Variants in GABRB2 observed in about 807,000 individuals in gnomAD.
GABRB2 encodes gamma-aminobutyric acid receptor subunit beta-2.
A neutral mutation model predicts 54.7 loss-of-function variants in GABRB2; 16 were observed. That is an observed-to-expected ratio of 0.29 (90% CI 0.20 to 0.44). The LOEUF (loss-of-function observed/expected upper bound fraction) is 0.44. GABRB2 is among the 20% of genes least tolerant of loss of function. The pLI is 1.00. For synonymous variants in GABRB2, 244 were observed against 233.8 expected, an observed-to-expected ratio of 1.04 and a Z score of -0.40; for missense variants, 355 against 644.0, an observed-to-expected ratio of 0.55 and a Z score of 4.86.
chr5:161,493,090 A>T (rs908037063), intron 3 of GABRB2, among the ~76,000 whole-genome samples: 1 of 151,804 alleles, frequency 6.6e-6, no homozygotes, highest in Non-Finnish European at 1.5e-5. Context: ...TGATATATGA[A>T]TTTTTAATTT....
chr5:161,320,806 T>C (rs1439828495), intron 9 of GABRB2, among the ~76,000 whole-genome samples: 1 of 152,018 alleles, frequency 6.6e-6, no homozygotes, highest in Non-Finnish European at 1.5e-5. Context: ...ACAGAGAAGC[T>C]TGGCCTTAAT....
chr5:161,434,946 C>A (rs1177839238), intron 4 of GABRB2, among the ~76,000 whole-genome samples: 1 of 152,160 alleles, frequency 6.6e-6, no homozygotes, highest in Non-Finnish European at 1.5e-5. Context: ...GTTTGATGAA[C>A]AAGCATGTCC....
At position 161,463,219 on chromosome 5, in the gene GABRB2, TAATC is replaced by T. The variant is rs536873214; in HGVS notation, c.238-3379_238-3376del. ...ATGCAAAGTAGAAAGACTGAGGAAA[TAATC>T]AAAGTGTGAGAAATACTACTATAAG... On this transcript the variant is annotated intron_variant, in intron 3 of 9. Coordinates refer to ENST00000393959, the MANE Select transcript of GABRB2 (RefSeq NM_001371727.1). Among the ~76,000 whole-genome samples, 598 of 151,562 alleles carry T rather than the reference TAATC, an allele frequency of 3.9e-3. 7 individuals carry two copies. Among genetic ancestry groups the T allele is most frequent in the African/African-American group, 0.014 (566 of 41,312 alleles).
At chr5:161,309,175 C>T (rs907445029) in intron 9 of GABRB2, among the ~76,000 whole-genome samples, 3 of 152,118 alleles carry the variant, frequency 2.0e-5, no homozygotes, top group African/African-American at 7.2e-5. Flanking sequence ...AAATAAACAA[C>T]TCTATCAAAA....
intron 4 of GABRB2, among the ~76,000 whole-genome samples, chr5:161,453,254 G>A (rs1757845681): frequency 6.6e-6 from 1 of 152,142 alleles, no homozygotes; most frequent in Non-Finnish European, 1.5e-5. Context: ...AAAGAGTTTG[G>A]TAAATTACAG....
At chr5:161,415,908 C>T (rs1465868847) in intron 4 of GABRB2, among the ~76,000 whole-genome samples, 1 of 129,736 alleles carries the variant, frequency 7.7e-6, no homozygotes, top group Non-Finnish European at 1.7e-5. Context: ...CCACCGCACC[C>T]GGCCCCAAGT....
intron 3 of GABRB2, among the ~76,000 whole-genome samples, chr5:161,462,720 C>G (rs1293898310): frequency 6.6e-6 from 1 of 152,130 alleles, no homozygotes; most frequent in Non-Finnish European, 1.5e-5. Flanking sequence ...AAAAAATGCT[C>G]CCAGACAGGC....
chr5:161,345,204 A>G (rs1258237830), intron 5 of GABRB2, among the ~76,000 whole-genome samples: 1 of 152,128 alleles, frequency 6.6e-6, no homozygotes, highest in Non-Finnish European at 1.5e-5. Flanking sequence ...TAGAAAAAGA[A>G]AAAAATTTAA....
At chr5:161,514,118 C>G (rs1759862670) in intron 3 of GABRB2, among the ~76,000 whole-genome samples, 1 of 152,150 alleles carries the variant, frequency 6.6e-6, no homozygotes, top group Non-Finnish European at 1.5e-5. Flanking sequence ...GATCGCAGCT[C>G]CAGGGAGCAC....
intron 9 of GABRB2, among the ~76,000 whole-genome samples, chr5:161,298,953 C>T (rs1319755003): frequency 6.6e-6 from 1 of 152,096 alleles, no homozygotes; most frequent in Non-Finnish European, 1.5e-5. Context: ...GGAGAACTGG[C>T]TATTTTTATG....
intron 5 of GABRB2, among the ~76,000 whole-genome samples, chr5:161,382,622 C>T (rs1755502429): frequency 1.3e-5 from 2 of 152,166 alleles, no homozygotes; most frequent in African/African-American, 4.8e-5. Context: ...GGCCTTCCTC[C>T]TTCCCAACCA....
At chr5:161,387,007 A>T (rs1308555943) in intron 5 of GABRB2, among the ~76,000 whole-genome samples, 2 of 152,024 alleles carry the variant, frequency 1.3e-5, no homozygotes, top group South Asian at 2.1e-4. Flanking sequence ...CACATAATCT[A>T]TTAACACTGG....
intron 3 of GABRB2, among the ~76,000 whole-genome samples, chr5:161,491,810 A>T (rs1275283408): frequency 6.6e-6 from 1 of 151,718 alleles, no homozygotes; most frequent in African/African-American, 2.4e-5. Flanking sequence ...TTGCAAACAC[A>T]CTGCATTCTG....
intron 5 of GABRB2, among the ~76,000 whole-genome samples, chr5:161,387,978 AC>A (rs951653983): frequency 3.5e-4 from 53 of 152,252 alleles, no homozygotes; most frequent in African/African-American, 1.3e-3. Flanking sequence ...GTTTTGAAAG[AC>A]AAAGTAAAAA....
chr5:161,426,491 G>GA (rs929395821), intron 4 of GABRB2, among the ~76,000 whole-genome samples: 24 of 151,318 alleles, frequency 1.6e-4, no homozygotes, highest in African/African-American at 2.2e-4. Context: ...GACAAATCAG[G>GA]AAAAAAAATG....
chr5:161,308,191 C>T (rs763032966), intron 9 of GABRB2, among the ~76,000 whole-genome samples: 2 of 152,138 alleles, frequency 1.3e-5, no homozygotes, highest in Non-Finnish European at 2.9e-5. Context: ...TCTCTAGCTT[C>T]TCACAGTGGA....
intron 3 of GABRB2, among the ~76,000 whole-genome samples, chr5:161,497,789 G>A (rs1759302842): frequency 6.6e-6 from 1 of 152,078 alleles, no homozygotes; most frequent in African/African-American, 2.4e-5. Flanking sequence ...AGACAGAGAG[G>A]CCTTGGGGCA....
chr5:161,419,114 G>A (rs577478743), intron 4 of GABRB2, among the ~76,000 whole-genome samples: 3 of 152,216 alleles, frequency 2.0e-5, no homozygotes, highest in Admixed American at 1.3e-4. Context: ...GTGACAGAGC[G>A]AGACCCTGTG....
chr5:161,403,713 CATA>C (rs1315331387), intron 5 of GABRB2, among the ~76,000 whole-genome samples: 12 of 152,002 alleles, frequency 7.9e-5, no homozygotes, highest in African/African-American at 2.9e-4. Context: ...TGAGTAACCA[CATA>C]ATAAGAAAGA....
Sources: allele counts gnomAD v4.1 joint callset (sites outside exome capture counted in the v4.1 genomes callset), GRCh38; gene constraint gnomAD v4.1.1; transcripts MANE v1.5; gene names NCBI Gene and HGNC (gene_info 2026-07-23, HGNC 2026-07-21).